The following CHLSN variants were observed in gnomAD, a reference collection of about 807,000 sequenced individuals.
CHLSN encodes the protein cholesin.
chr7:1,099,884 G>A, the CHLSN span, among the ~76,000 whole-genome samples: 20 of 152,338 alleles, frequency 1.3e-4, no homozygotes, highest in Admixed American at 9.8e-4. Context: ...TGCAGCAGAC[G>A]CACCTGACGG....
chr7:1,122,271 C>G, the CHLSN span, among the ~76,000 whole-genome samples: 5 of 152,228 alleles, frequency 3.3e-5, no homozygotes, highest in African/African-American at 7.2e-5. Flanking sequence ...GGGATTCTTA[C>G]GAGGCAGAGG....
chr7:1,044,674 G>T, the CHLSN span: 1 of 152,078 alleles, frequency 6.6e-6, no homozygotes, highest in South Asian at 2.1e-4. Context: ...TGGGGCCCGG[G>T]AGCCTGGGTC....
At chr7:1,104,076 C>T in the CHLSN span, among the ~76,000 whole-genome samples, 2 of 152,210 alleles carry the variant, frequency 1.3e-5, no homozygotes, top group Non-Finnish European at 2.9e-5. Flanking sequence ...CCACAGGTTT[C>T]GCCCCATCTG....
At chr7:1,100,760 T>C in the CHLSN span, among the ~76,000 whole-genome samples, 10 of 151,738 alleles carry the variant, frequency 6.6e-5, no homozygotes, top group South Asian at 2.1e-3. Flanking sequence ...CCACAGGGGC[T>C]TCTTGTGGTT....
the CHLSN span, among the ~76,000 whole-genome samples, chr7:995,100 C>T: frequency 6.6e-6 from 1 of 152,270 alleles, no homozygotes; most frequent in Non-Finnish European, 1.5e-5. Context: ...CCAGCTGAGA[C>T]AGGGACTCAC....
the CHLSN span, chr7:997,602 G>A: frequency 2.4e-5 from 36 of 1,518,098 alleles, no homozygotes; most frequent in African/African-American, 4.1e-4. Flanking sequence ...ACTGGGCAGC[G>A]GCCCCGCCCC....
the CHLSN span, chr7:997,873 G>A: frequency 4.2e-6 from 6 of 1,434,304 alleles, no homozygotes; most frequent in East Asian, 4.8e-5. Flanking sequence ...CAGGAGACAA[G>A]ACGCTGCAGC....
the CHLSN span, chr7:1,044,622 CCGG>C: frequency 6.6e-6 from 1 of 151,492 alleles, no homozygotes; most frequent in Non-Finnish European, 1.5e-5. Flanking sequence ...AGCTGCCCGC[CCGG>C]CGGCGACTGC....
At chr7:1,120,582 C>G in the CHLSN span, among the ~76,000 whole-genome samples, 7 of 152,164 alleles carry the variant, frequency 4.6e-5, no homozygotes, top group Non-Finnish European at 7.3e-5. Context: ...CACGAGCCAC[C>G]GTACCTGGCC....
the CHLSN span, chr7:984,934 C>T: frequency 1.3e-6 from 2 of 1,581,558 alleles, no homozygotes; most frequent in South Asian, 1.1e-5. Flanking sequence ...TCACCACGCA[C>T]TGTATCTGCC....
the CHLSN span, among the ~76,000 whole-genome samples, chr7:1,075,287 G>A: frequency 5.7e-4 from 87 of 152,300 alleles, 2 homozygotes; most frequent in South Asian, 0.011. Context: ...GCCAAGGTGG[G>A]CGGATCACAA....
chr7:1,016,954 G>GCACAGCAGCA, the CHLSN span, among the ~76,000 whole-genome samples: 2 of 108,860 alleles, frequency 1.8e-5, no homozygotes, highest in African/African-American at 7.9e-5. Flanking sequence ...ACACGCCAGC[G>GCACAGCAGCA]CACAGCAGCA....
the CHLSN span, chr7:1,092,089 G>A: frequency 1.5e-5 from 24 of 1,613,788 alleles, no homozygotes; most frequent in African/African-American, 5.3e-5. Context: ...CAACCTGCAC[G>A]AGCGGTACTA....
the CHLSN span, chr7:1,093,466 C>T: frequency 6.4e-6 from 3 of 468,372 alleles, no homozygotes; most frequent in Admixed American, 2.3e-5. Flanking sequence ...TGGCGCTGTG[C>T]GGCCTCACCA....
the CHLSN span, chr7:1,127,313 C>G: frequency 1.1e-5 from 18 of 1,611,692 alleles, no homozygotes; most frequent in African/African-American, 1.9e-4. Context: ...AGTGGCCCCT[C>G]TGCTGACGCC....
At chr7:1,028,795 G>A in the CHLSN span, 3 of 845,562 alleles carry the variant, frequency 3.5e-6, no homozygotes, top group Non-Finnish European at 2.8e-6. Context: ...TGTCCCTATC[G>A]CTCCCCCAAT....
At chr7:1,070,994 A>C in the CHLSN span, among the ~76,000 whole-genome samples, 2 of 151,260 alleles carry the variant, frequency 1.3e-5, no homozygotes, top group East Asian at 1.9e-4. Context: ...GGGCACACAC[A>C]CACGTGCACA....
chr7:1,102,747 G>C, the CHLSN span, among the ~76,000 whole-genome samples: 2 of 152,210 alleles, frequency 1.3e-5, no homozygotes, highest in African/African-American at 4.8e-5. Flanking sequence ...CACGGTGCCC[G>C]CCTCACCCTT....
the CHLSN span, among the ~76,000 whole-genome samples, chr7:1,019,224 AGT>A: frequency 8.1e-5 from 3 of 37,018 alleles, no homozygotes; most frequent in African/African-American, 2.4e-4. Flanking sequence ...GGGGGGGGGG[AGT>A]GAAAGGGAGG....
Sources: gnomAD v4.1 joint callset for allele counts (sites outside exome capture counted in the v4.1 genomes callset) on GRCh38, gnomAD v4.1.1 for gene constraint, MANE v1.5 for transcripts, NCBI Gene and HGNC (gene_info 2026-07-23, HGNC 2026-07-21) for gene names.